UNK: variants seen among roughly 807,000 people sequenced by gnomAD.
The protein encoded by UNK is unk zinc finger, also known as RING finger protein unkempt homolog.
In UNK, 32 loss-of-function variants were observed where a neutral mutation model predicts 97.6. The ratio of observed to expected loss-of-function variants is 0.33; its 90% CI spans 0.25 to 0.44. The LOEUF is 0.44. Among genes scored for constraint, UNK ranks in the 20% least tolerant of loss-of-function variants. The pLI, the probability that UNK is intolerant of heterozygous loss-of-function variation, is 1.00. For synonymous variants in UNK, 441 were observed against 461.2 expected (o/e 0.96, Z 0.56); for missense variants, 771 against 1,098.4 (o/e 0.70, Z 4.21).
rs1172280730 is a variant in UNK at position 75,824,001 on chromosome 17, T to G, written c.2278-261T>G. Among the ~76,000 whole-genome samples, 1 of 152,200 alleles carries G rather than the reference T, an allele frequency of 6.6e-6. No homozygotes were observed. Among genetic ancestry groups the G allele is most frequent in the Non-Finnish European group, 1.5e-5 (1 of 68,024 alleles). ...TCCCAGCCCTTTCTGGGCCTCATTT[T>G]CCCCATCTGGGGATTACAAGGTCAA... On this transcript the variant is annotated intron_variant, in intron 15 of 15. Transcript: ENST00000589666. This position sits in a 1 kb window ranked among gnomAD's most constrained non-coding sequence, Gnocchi z 4.9.
Position 75,812,281 on chromosome 17 carries a change from G to A in UNK, c.484G>A (p.Asp162Asn). The change falls in exon 3 of 16, where the codon GAC (aspartate) becomes AAC (asparagine). Residue 162 changes from aspartate to asparagine, a missense_variant. By Grantham distance (23) the Asp-to-Asn change is conservative. Coordinates refer to ENST00000589666, the MANE Select transcript of UNK (RefSeq NM_001080419.3). ...GPHDLRSPVY[D>N]IRELQAMEAL... ...CCATGACCTCCGCTCCCCTGTCTACGACATCAGGTGGGCTGGGTGCTGGGC... is the reference window on the plus strand; with the variant it reads ...CCATGACCTCCGCTCCCCTGTCTACAACATCAGGTGGGCTGGGTGCTGGGC... 6.2e-7 allele frequency: 1 copy of A among 1,610,940 alleles called. No homozygotes were observed. The highest frequency in any genetic ancestry group is 8.5e-7 in the Non-Finnish European group (1 of 1,177,894).
In UNK at chr17:75,784,855, C is replaced by T; in HGVS notation, c.-26C>T. 3 of 1,598,326 alleles carry T rather than the reference C, an allele frequency of 1.9e-6. No homozygotes were observed. Among genetic ancestry groups the T allele is most frequent in the Non-Finnish European group, 1.7e-6 (2 of 1,169,892 alleles). On this transcript the variant is annotated 5_prime_UTR_variant, in exon 1 of 16. Transcript: ENST00000589666. ...CGCAGACTGAATAATAAAAGGGGAG[C>T]GGCGAAGAGGCAGGAAGACAAGACC...
At chr17:75,809,678 A>C in intron 1 of UNK, 82 bp from the exon 2 acceptor site, 1 of 1,466,628 alleles carries the variant, frequency 6.8e-7, no homozygotes, top group South Asian at 1.3e-5. Context: ...CCCTCAGGGG[A>C]CTTGGCGGCT....
intron 1 of UNK, among the ~76,000 whole-genome samples, chr17:75,798,695 G>T (rs2061828793): frequency 1.3e-5 from 2 of 151,790 alleles, no homozygotes; most frequent in Admixed American, 6.6e-5. Context: ...GGTTGTTGGA[G>T]GAAATAGAAA....
At chr17:75,785,337 A>G (rs1012196844) in intron 1 of UNK, 1 of 203,568 alleles carries the variant, frequency 4.9e-6, no homozygotes, top group Non-Finnish European at 9.9e-6. Flanking sequence ...CCAAGACACA[A>G]CCAAGAGGAG....
chr17:75,792,281 TTTTG>T, intron 1 of UNK: 3 of 976,918 alleles, frequency 3.1e-6, no homozygotes, highest in Non-Finnish European at 3.6e-6. Flanking sequence ...GATTAAGTTT[TTTTG>T]TTTTTGTTTT....
At chr17:75,792,619 AC>A in intron 1 of UNK, 1 of 424,760 alleles carries the variant, frequency 2.4e-6, no homozygotes, top group Non-Finnish European at 3.1e-6. Context: ...CTATAGATTC[AC>A]CCCAGCCAGT....
intron 1 of UNK, among the ~76,000 whole-genome samples, chr17:75,798,124 G>T (rs1343421186): frequency 6.7e-6 from 1 of 148,526 alleles, no homozygotes; most frequent in African/African-American, 2.5e-5. Context: ...AGGCTGGAGT[G>T]CAATGGCACG....
At chr17:75,802,810 A>G (rs1046653273) in intron 1 of UNK, among the ~76,000 whole-genome samples, 1 of 152,194 alleles carries the variant, frequency 6.6e-6, no homozygotes, top group Non-Finnish European at 1.5e-5. Context: ...TGTTGAGGAC[A>G]TTAGGAGCAA....
chr17:75,807,238 C>T (rs922897514), intron 1 of UNK, among the ~76,000 whole-genome samples: 1 of 152,104 alleles, frequency 6.6e-6, no homozygotes, highest in Non-Finnish European at 1.5e-5. Flanking sequence ...ATAAAGGATG[C>T]CAGCTGGGAA....
intron 1 of UNK, chr17:75,808,945 C>CAGGGCAGAGGAGAG (rs1174938912): frequency 6.6e-6 from 1 of 152,184 alleles, no homozygotes; most frequent in Admixed American, 6.6e-5. Flanking sequence ...GTTACACATG[C>CAGGGCAGAGGAGAG]AGGGCAGAGG....
rs754393636 is a variant in UNK at position 75,817,351 on chromosome 17, G to A, written c.1130G>A (p.Gly377Asp). Reference sequence around the variant, plus strand: ...CTCCTCTGTAGAAACAGCAGCCTAGGCAGCCCGTCTAACCTCTGCGGCTCC... The same window carrying A: ...CTCCTCTGTAGAAACAGCAGCCTAGACAGCCCGTCTAACCTCTGCGGCTCC... Reference protein sequence around the residue: ...SALLCRNSSLGSPSNLCGSPP... With the variant: ...SALLCRNSSLDSPSNLCGSPP... Residue 377 changes from glycine to aspartate, a missense_variant, in exon 9 of 16, where the codon GGC becomes GAC. This residue lies in a region of UNK where 192 missense variants were observed against 202.4 expected (regional missense o/e 0.95). Transcript: ENST00000589666. This position sits in a 1 kb window ranked among gnomAD's most constrained non-coding sequence, Gnocchi z 5.8. The A allele has an allele frequency of 3.5e-5, 56 of 1,598,058 alleles. No individual in the cohort carries two copies. Among genetic ancestry groups the A allele is most frequent in the Middle Eastern group, 2.0e-4 (1 of 4,950 alleles).
At chr17:75,799,678 G>C (rs1337574750) in intron 1 of UNK, among the ~76,000 whole-genome samples, 3 of 152,212 alleles carry the variant, frequency 2.0e-5, no homozygotes, top group Non-Finnish European at 2.9e-5. Context: ...AAAACAGTCA[G>C]AATCCACTGT....
intron 6 of UNK, among the ~76,000 whole-genome samples, chr17:75,814,141 A>G (rs1389298332): frequency 8.0e-6 from 1 of 125,356 alleles, no homozygotes. Context: ...GTGTAGATGG[A>G]GTGTGGCGAC....
At chr17:75,796,064 A>G (rs564569827) in intron 1 of UNK, among the ~76,000 whole-genome samples, 13 of 152,204 alleles carry the variant, frequency 8.5e-5, no homozygotes, top group African/African-American at 2.6e-4. Flanking sequence ...GTTTCATCGC[A>G]TCTAGGAGCT....
chr17:75,809,779 A>T lies in UNK; in HGVS notation c.124A>T (p.Thr42Ser). The T allele has an allele frequency of 6.2e-7, 1 of 1,611,164 alleles. No individual in the cohort carries two copies. The highest frequency in any genetic ancestry group is 8.5e-7 in the Non-Finnish European group (1 of 1,178,748). ...QHYTYLKEFR[T>S]EQCPLFVQHK... Reference sequence around the variant, plus strand: ...CTGCAGGTACCTGAAAGAATTCCGCACAGAGCAGTGCCCACTCTTTGTGCA... The same window carrying T: ...CTGCAGGTACCTGAAAGAATTCCGCTCAGAGCAGTGCCCACTCTTTGTGCA... Residue 42 changes from threonine (T) to serine (S), a missense_variant, in exon 2 of 16, where the codon ACA (threonine) becomes TCA (serine). Around this residue, in one of 5 missense-constraint regions of UNK, gnomAD observed 246 missense variants for 440.7 expected, o/e 0.56. Transcript: ENST00000589666.
At chr17:75,793,637 T>G in intron 1 of UNK, 1 of 985,456 alleles carries the variant, frequency 1.0e-6, no homozygotes, top group Non-Finnish European at 1.2e-6. Flanking sequence ...GTATCTGAAC[T>G]TATTGAACTG....
chr17:75,799,913 G>T (rs2061840085), intron 1 of UNK, among the ~76,000 whole-genome samples: 1 of 152,122 alleles, frequency 6.6e-6, no homozygotes, highest in African/African-American at 2.4e-5. Flanking sequence ...GAGCCCAGGA[G>T]TTTGAGACCT....
chr17:75,811,743 C>G (rs912469806), intron 2 of UNK, among the ~76,000 whole-genome samples: 1 of 152,178 alleles, frequency 6.6e-6, no homozygotes, highest in Non-Finnish European at 1.5e-5. Context: ...AATCCTAGCA[C>G]TTTGGGAGGT....
Sources: allele counts gnomAD v4.1 joint callset (sites outside exome capture counted in the v4.1 genomes callset), GRCh38; gene constraint gnomAD v4.1.1; regional missense constraint gnomAD v4.1.1; non-coding constraint Gnocchi (gnomAD v3.1); transcripts MANE v1.5; gene names NCBI Gene and HGNC (gene_info 2026-07-23, HGNC 2026-07-21).